Variants in DSCAML1 observed in about 807,000 individuals in gnomAD.
DSCAML1 encodes the protein cell adhesion molecule DSCAML1.
In DSCAML1, 38 loss-of-function variants were observed where a neutral mutation model predicts 200.5. That is an observed-to-expected ratio of 0.19 (90% CI 0.15 to 0.25). The LOEUF is 0.25. Ranked by LOEUF, DSCAML1 falls within the 10% of genes least tolerant of loss-of-function variation. DSCAML1 has a pLI of 1.00. For missense variants in DSCAML1, 2,223 were observed against 2,858.8 expected (o/e 0.78, Z 5.07); for synonymous variants, 1,215 against 1,165.0 (o/e 1.04, Z -0.87).
Position 117,694,057 on chromosome 11 carries a change from T to TTATATATATATA in DSCAML1, c.511+82722_511+82733dup, listed in dbSNP as rs35313833. Among the ~76,000 whole-genome samples the TTATATATATATA allele has an allele frequency of 2.1e-4, 24 of 116,638 alleles. 1 individual carries two copies. Among genetic ancestry groups the TTATATATATATA allele is most frequent in the East Asian group, 1.3e-3 (5 of 3,874 alleles). 76.5% of individuals were successfully genotyped at this position (116,638 alleles called of 152,430 possible). On this transcript the variant is annotated intron_variant, in intron 3 of 32. Coordinates refer to ENST00000651296, the MANE Select transcript of DSCAML1 (RefSeq NM_020693.4). ...CCTCTGTCATTTTTAGGTTCTATCT[T>TTATATATATATA]TATATATATATATATATATATACAC...
In DSCAML1 at chr11:117,773,862, G is replaced by C. The variant is rs2055083433; in HGVS notation, c.511+2929C>G. ...AGATGGGGCTGGAGGGCTGGGCCAG[G>C]AGAGGAAAATTCTCCAATGCCAAAC... On this transcript the variant is annotated intron_variant, in intron 3 of 32. Coordinates refer to ENST00000651296, the MANE Select transcript of DSCAML1 (RefSeq NM_020693.4). Among the ~76,000 whole-genome samples, 3 of 152,144 alleles carry C rather than the reference G, an allele frequency of 2.0e-5. No individual in the cohort carries two copies. In the South Asian group the frequency reaches 6.2e-4, roughly 32 times the overall value.
rs1254605747 is a variant in DSCAML1, at chr11:117,597,098, T to C, written c.512-64576A>G. ...TTCTGCATGGAGGTTTTCCGACATA[T>C]GATAATTACATTCTGTAGGTTTGCA... On this transcript the variant is annotated intron_variant, in intron 3 of 32. Transcript: ENST00000651296. 2.6e-5 allele frequency among the ~76,000 whole-genome samples: 4 copies of C among 152,368 alleles called. No homozygotes were observed. In the East Asian group the frequency reaches 5.8e-4, roughly 22 times the overall value.
intron 5 of DSCAML1, 54 bp downstream of exon 5, chr11:117,524,751 C>A: frequency 6.5e-7 from 1 of 1,535,044 alleles, no homozygotes; most frequent in Non-Finnish European, 8.8e-7. Context: ...TCCCCCGACC[C>A]CTGAGGCGCC....
At chr11:117,590,872 C>T (rs1015141845) in intron 3 of DSCAML1, among the ~76,000 whole-genome samples, 2 of 152,068 alleles carry the variant, frequency 1.3e-5, no homozygotes, top group African/African-American at 2.4e-5. Flanking sequence ...GCAGTTATAT[C>T]GGAAAATGGG....
intron 21 of DSCAML1, 68 bp from the exon 22 acceptor site, chr11:117,440,004 A>G (rs1197955020): frequency 7.3e-7 from 1 of 1,367,854 alleles, no homozygotes; most frequent in African/African-American, 1.4e-5. Flanking sequence ...CTCCTTCCTT[A>G]GGGCCCCCTG....
intron 14 of DSCAML1, among the ~76,000 whole-genome samples, chr11:117,478,273 A>G (rs931936370): frequency 6.6e-6 from 1 of 152,130 alleles, no homozygotes; most frequent in African/African-American, 2.4e-5. Flanking sequence ...GGCACGAGCG[A>G]CAGCCCAGGC....
rs78801275 is a variant in DSCAML1 at position 117,803,290 on chromosome 11, A to C, written c.-250+14100T>G. ...GGTGTGTGTGTAGCATAGGAAAGAC[A>C]AGGTTTGAAATGCATGGAGCCAAAA... On this transcript the variant is annotated intron_variant, in intron 1 of 2. Coordinates refer to the DSCAML1 transcript ENST00000525836. 1.4e-3 allele frequency among the ~76,000 whole-genome samples: 210 copies of C among 152,222 alleles called. 4 individuals carry two copies. The East Asian group carries it at 0.032, about 23-fold the overall frequency.
At chr11:117,669,360 G>T (rs897932744) in intron 3 of DSCAML1, among the ~76,000 whole-genome samples, 1 of 152,204 alleles carries the variant, frequency 6.6e-6, no homozygotes, top group African/African-American at 2.4e-5. Context: ...CGTTGCCAGT[G>T]GTGGCACCTT....
At chr11:117,771,497 C>T (rs1370390169) in intron 3 of DSCAML1, among the ~76,000 whole-genome samples, 1 of 152,174 alleles carries the variant, frequency 6.6e-6, no homozygotes, top group Non-Finnish European at 1.5e-5. Flanking sequence ...CACACACAGC[C>T]AGAGGTCAGC....
rs372809299 is a variant in DSCAML1 at position 117,439,915 on chromosome 11, A to G, written c.3884T>C (p.Phe1295Ser). The change falls in exon 22 of 33, where the codon TTT becomes TCT. Residue 1295 changes from phenylalanine (F) to serine (S), a missense_variant. Transcript: ENST00000651296. ...CCAAGGTGTTGTCACGGTGCCCCCAAAGGAGATGATCTTTGCTGGGGCTAC... is the reference window on the plus strand; with the variant it reads ...CCAAGGTGTTGTCACGGTGCCCCCAGAGGAGATGATCTTTGCTGGGGCTAC... Reference protein sequence around the residue: ...AGKAPAKIISFGGTVTTPWMK... With the variant: ...AGKAPAKIISSGGTVTTPWMK... 6.2e-7 allele frequency: 1 copy of G among 1,614,082 alleles called. No homozygotes were observed. Among genetic ancestry groups the G allele is most frequent in the Non-Finnish European group, 8.5e-7 (1 of 1,179,982 alleles).
At chr11:117,729,046 T>C (rs979456852) in intron 3 of DSCAML1, among the ~76,000 whole-genome samples, 3 of 152,230 alleles carry the variant, frequency 2.0e-5, no homozygotes, top group African/African-American at 7.2e-5. Context: ...GTAATCAAGA[T>C]AGTGTGGTAC....
At chr11:117,750,233 G>T (rs944028402) in intron 3 of DSCAML1, among the ~76,000 whole-genome samples, 4 of 152,204 alleles carry the variant, frequency 2.6e-5, no homozygotes, top group African/African-American at 9.6e-5. Flanking sequence ...TCTGTCCCCA[G>T]CCTGCACGCT....
intron 19 of DSCAML1, among the ~76,000 whole-genome samples, chr11:117,451,814 CAAAA>C (rs10579506): frequency 1.1e-4 from 16 of 148,404 alleles, no homozygotes; most frequent in African/African-American, 2.0e-4. Context: ...GACTCCGTCT[CAAAA>C]AAAAAAAAAA....
chr11:117,787,534 G>A (rs1413806599), intron 1 of DSCAML1, among the ~76,000 whole-genome samples: 4 of 152,156 alleles, frequency 2.6e-5, no homozygotes, highest in Admixed American at 6.5e-5. Context: ...GTCTGTCATA[G>A]GGCCAGAAAT....
At chr11:117,494,358 A>G (rs1213828487) in intron 11 of DSCAML1, among the ~76,000 whole-genome samples, 1 of 152,240 alleles carries the variant, frequency 6.6e-6, no homozygotes, top group African/African-American at 2.4e-5. Context: ...TTCCAGTTAC[A>G]TAGACCACTG....
rs192085156 is a variant in DSCAML1, at chr11:117,439,137, T to C, written c.4144+129A>G. The C allele has an allele frequency of 2.0e-3, 2,868 of 1,405,018 alleles. 67 individuals are homozygous for C. Among genetic ancestry groups the C allele is most frequent in the South Asian group, 8.9e-4 (65 of 73,342 alleles). The allele number at this position is 1,405,018 out of a possible 1,614,324, so 87.0% of individuals were successfully genotyped here. Reference sequence around the variant, plus strand: ...CTGCCTCCCCTTCCATGTGCACCTCTGTTTCTCCAGAGGTCTGTCTCTCCC... The same window carrying C: ...CTGCCTCCCCTTCCATGTGCACCTCCGTTTCTCCAGAGGTCTGTCTCTCCC... On this transcript the variant is annotated intron_variant, in intron 23 of 32. Transcript: ENST00000651296.
chr11:117,769,556 A>ATTT (rs1565274401), intron 3 of DSCAML1, among the ~76,000 whole-genome samples: 1 of 105,064 alleles, frequency 9.5e-6, no homozygotes, highest in Non-Finnish European at 1.8e-5. Flanking sequence ...TTTTATATAT[A>ATTT]TATTTTATAT....
At chr11:117,616,778 T>C (rs2137541768) in intron 3 of DSCAML1, among the ~76,000 whole-genome samples, 1 of 152,348 alleles carries the variant, frequency 6.6e-6, no homozygotes, top group African/African-American at 2.4e-5. Context: ...GTATAAGATC[T>C]GTGTCCTTTG....
At chr11:117,486,399 C>A (rs553101103) in intron 11 of DSCAML1, among the ~76,000 whole-genome samples, 1 of 150,656 alleles carries the variant, frequency 6.6e-6, no homozygotes, top group Non-Finnish European at 1.5e-5. Flanking sequence ...GTGAAAGTGG[C>A]GGATGGGAAA....
Sources: allele counts gnomAD v4.1 joint callset (sites outside exome capture counted in the v4.1 genomes callset), GRCh38; gene constraint gnomAD v4.1.1; transcripts MANE v1.5; gene names NCBI Gene and HGNC (gene_info 2026-07-23, HGNC 2026-07-21).